PIK3C2G: variants seen among roughly 807,000 people sequenced by gnomAD.
The protein encoded by PIK3C2G is phosphatidylinositol-4-phosphate 3-kinase catalytic subunit type 2 gamma.
PIK3C2G carries 168 observed loss-of-function variants against 181.1 expected under a neutral mutation model. The ratio of observed to expected loss-of-function variants is 0.93; its 90% CI spans 0.82 to 1.05. The LOEUF is 1.05. PIK3C2G is among the 50% of genes least tolerant of loss of function. PIK3C2G has a pLI of 0.00. For missense variants in PIK3C2G, 1,869 were observed against 1,732.8 expected, an observed-to-expected ratio of 1.08 and a Z score of -1.40; for synonymous variants, 573 against 592.2, an observed-to-expected ratio of 0.97 and a Z score of 0.47.
chr12:18,725,378 G>GT, the PIK3C2G span, among the ~76,000 whole-genome samples: 1 of 152,128 alleles, frequency 6.6e-6, no homozygotes, highest in African/African-American at 2.4e-5. Context: ...AGACTCCTCT[G>GT]TAAGAGAAAA....
At position 18,277,871 on chromosome 12, in the gene PIK3C2G, C is replaced by T. The variant is rs951656818; in HGVS notation, c.-78-4133C>T. On this transcript the variant is annotated intron_variant, in intron 1 of 32. Coordinates refer to ENST00000538779, the MANE Select transcript of PIK3C2G (RefSeq NM_001288772.2). ...TGAAGCCAGATAAGTAATTAATCCT[C>T]AACAGAAACTGACCTCTTGCAAGTT... Among the ~76,000 whole-genome samples the T allele has an allele frequency of 1.2e-4, 18 of 152,188 alleles. No homozygotes were observed. The East Asian group carries it at 3.1e-3, about 26-fold the overall frequency.
At chr12:18,243,362 G>A (rs11043976), upstream of PIK3C2G, among the ~76,000 whole-genome samples, 53,088 of 151,698 alleles carry the variant, frequency 0.35, 9,614 homozygotes, top group Non-Finnish European at 0.4. Flanking sequence ...AATTACTACA[G>A]TAATTAAATT....
intron 18 of PIK3C2G, among the ~76,000 whole-genome samples, chr12:18,477,610 C>T (rs919310366): frequency 2.6e-5 from 4 of 152,152 alleles, no homozygotes; most frequent in African/African-American, 9.7e-5. Context: ...TAAATGGTCC[C>T]AGCCAACTTT....
chr12:18,574,335 C>T (rs1946124364), intron 29 of PIK3C2G, among the ~76,000 whole-genome samples: 1 of 152,112 alleles, frequency 6.6e-6, no homozygotes, highest in East Asian at 1.9e-4. Context: ...TTTAATGTCA[C>T]CCATGAGAAC....
intron 1 of PIK3C2G, among the ~76,000 whole-genome samples, chr12:18,253,967 G>C (rs891856185): frequency 2.7e-5 from 4 of 150,668 alleles, no homozygotes; most frequent in African/African-American, 9.8e-5. Context: ...AAGCCATAAA[G>C]CAGTGAGCAT....
At chr12:18,390,314 GA>G (rs1943456502) in intron 14 of PIK3C2G, among the ~76,000 whole-genome samples, 1 of 151,954 alleles carries the variant, frequency 6.6e-6, no homozygotes, top group Non-Finnish European at 1.5e-5. Flanking sequence ...ACTCAGCAGA[GA>G]AAAATAATGT....
At chr12:18,270,482 G>C (rs1156492322) in intron 1 of PIK3C2G, among the ~76,000 whole-genome samples, 1 of 151,970 alleles carries the variant, frequency 6.6e-6, no homozygotes, top group Non-Finnish European at 1.5e-5. Context: ...ATTAAATGTG[G>C]CCCAAGGACT....
intron 1 of PIK3C2G, among the ~76,000 whole-genome samples, chr12:18,274,824 A>T (rs967872949): frequency 6.6e-6 from 1 of 152,122 alleles, no homozygotes; most frequent in South Asian, 2.1e-4. Flanking sequence ...AAAAGCCTAC[A>T]TTATTTTCAT....
intron 29 of PIK3C2G, among the ~76,000 whole-genome samples, chr12:18,574,362 C>T (rs11044197): frequency 0.05 from 7,583 of 152,220 alleles, 637 homozygotes; most frequent in African/African-American, 0.17. Flanking sequence ...CTAATATTAA[C>T]GCGACTAGTC....
chr12:18,534,214 T>C (rs1206439138), intron 24 of PIK3C2G, among the ~76,000 whole-genome samples: 1 of 152,062 alleles, frequency 6.6e-6, no homozygotes, highest in Non-Finnish European at 1.5e-5. Flanking sequence ...CCTCCCAAAG[T>C]GCTGGGATTA....
chr12:18,591,853 T>C (rs1231981606), intron 29 of PIK3C2G, among the ~76,000 whole-genome samples: 2 of 151,840 alleles, frequency 1.3e-5, no homozygotes, highest in African/African-American at 4.8e-5. Context: ...GGCTATAACA[T>C]AGATGAGAAT....
intron 13 of PIK3C2G, among the ~76,000 whole-genome samples, chr12:18,380,895 A>C (rs1338472096): frequency 6.6e-6 from 1 of 152,254 alleles, no homozygotes; most frequent in Admixed American, 6.5e-5. Flanking sequence ...TTGCTTTTAG[A>C]AAAGCTCACT....
At chr12:18,257,655 A>G (rs1338015399), upstream of PIK3C2G, among the ~76,000 whole-genome samples, 1 of 151,792 alleles carries the variant, frequency 6.6e-6, no homozygotes, top group African/African-American at 2.4e-5. Context: ...AAGAAAAGAA[A>G]GAAGGAAAGA....
intron 16 of PIK3C2G, among the ~76,000 whole-genome samples, chr12:18,419,644 T>G (rs1366276025): frequency 6.6e-6 from 1 of 152,216 alleles, no homozygotes; most frequent in Non-Finnish European, 1.5e-5. Context: ...CAGTTCTCAG[T>G]AGGTCTCGTT....
At chr12:18,466,140 T>C (rs181171713) in intron 18 of PIK3C2G, among the ~76,000 whole-genome samples, 41 of 151,918 alleles carry the variant, frequency 2.7e-4, no homozygotes, top group Middle Eastern at 3.4e-3. Context: ...ATTTTAATTA[T>C]GTATTTTTAT....
At chr12:18,684,208 C>T in the PIK3C2G span, 1 of 1,612,006 alleles carries the variant, frequency 6.2e-7, no homozygotes, top group Non-Finnish European at 8.5e-7. Flanking sequence ...CCTTCAACAA[C>T]AAAACGTATC....
rs17847806 is a variant in PIK3C2G at position 18,563,280 on chromosome 12, G to A, written c.3781-97G>A. ...CTTTTATGATAATGTTTTGCAGAAA[G>A]GTACTTCCTTTGTTTGGTTTACATA... On this transcript the variant is annotated intron_variant, in intron 27 of 32. Coordinates refer to ENST00000538779, the MANE Select transcript of PIK3C2G (RefSeq NM_001288772.2). 2.2e-4 allele frequency: 243 copies of A among 1,087,242 alleles called. 1 individual carries two copies. In the East Asian group the frequency reaches 5.7e-3, roughly 25 times the overall value. The allele number at this position is 1,087,242 out of a possible 1,614,324, so 67.3% of individuals were successfully genotyped here. A position where few individuals can be genotyped will look rare whatever the true frequency, so the allele number is the denominator to read the frequency against.
intron 20 of PIK3C2G, among the ~76,000 whole-genome samples, chr12:18,492,069 C>G (rs1940623403): frequency 6.6e-6 from 1 of 152,190 alleles, no homozygotes; most frequent in South Asian, 2.1e-4. Flanking sequence ...TTGGCATTGT[C>G]AGACTCACAA....
At chr12:18,455,437 T>C (rs1182170063) in intron 18 of PIK3C2G, among the ~76,000 whole-genome samples, 1 of 152,190 alleles carries the variant, frequency 6.6e-6, no homozygotes, top group East Asian at 1.9e-4. Flanking sequence ...ATAAAGCCTC[T>C]TTTGGTGTTT....
Sources: allele counts gnomAD v4.1 joint callset (sites outside exome capture counted in the v4.1 genomes callset), GRCh38; gene constraint gnomAD v4.1.1; transcripts MANE v1.5; gene names NCBI Gene and HGNC (gene_info 2026-07-23, HGNC 2026-07-21).